Variants in AMMECR1 observed in about 807,000 individuals in gnomAD.
AMMECR1 encodes the protein nuclear protein AMMECR1.
A neutral mutation model predicts 22.5 loss-of-function variants in AMMECR1; 3 were observed. The observed-to-expected ratio is 0.13, with a 90% CI of 0.06 to 0.35. The LOEUF is 0.35. Ranked by LOEUF, AMMECR1 falls within the 10% of genes least tolerant of loss-of-function variation. The probability of loss-of-function intolerance (pLI) is 1.00; values close to 1 mark genes in which losing one functional copy is unlikely to be tolerated. For synonymous variants in AMMECR1, 130 were observed against 116.7 expected (o/e 1.11, Z -0.74); for missense variants, 235 against 278.7 (o/e 0.84, Z 1.12).
intron 2 of AMMECR1, among the ~76,000 whole-genome samples, chrX:110,359,213 T>C (rs909109096): frequency 9.0e-6 from 1 of 110,793 alleles, no homozygotes; most frequent in Non-Finnish European, 1.9e-5. Flanking sequence ...GAAACTTGAT[T>C]TTTCTTTCTT....
intron 1 of AMMECR1, among the ~76,000 whole-genome samples, chrX:110,300,914 C>G (rs1007893250): frequency 9.0e-6 from 1 of 111,317 alleles, no homozygotes; most frequent in African/African-American, 3.3e-5. Flanking sequence ...TGATTTCCTT[C>G]AGTTCTTTGA....
chrX:110,234,184 A>C (rs868178719), intron 2 of AMMECR1, among the ~76,000 whole-genome samples: 8 of 111,132 alleles, frequency 7.2e-5, no homozygotes, highest in African/African-American at 2.7e-4. Context: ...TATACCAATA[A>C]CAGACAAACA....
chrX:110,392,343 A>C (rs991123142), intron 2 of AMMECR1, among the ~76,000 whole-genome samples: 10 of 103,435 alleles, frequency 9.7e-5, no homozygotes, highest in Middle Eastern at 5.1e-3. Flanking sequence ...TGGTGTAATC[A>C]TGGCTCACTG....
intron 1 of AMMECR1, among the ~76,000 whole-genome samples, chrX:110,308,180 A>G (rs1387016232): frequency 9.0e-6 from 1 of 111,690 alleles, no homozygotes; most frequent in East Asian, 2.8e-4. Flanking sequence ...CCTAGCCAGA[A>G]TAATTATTTT....
intron 2 of AMMECR1, among the ~76,000 whole-genome samples, chrX:110,378,795 C>T (rs758056856): frequency 1.3e-3 from 140 of 111,621 alleles, no homozygotes; most frequent in Non-Finnish European, 2.0e-3. Context: ...CTGCTGTACA[C>T]CTGTCCACCC....
chrX:110,408,017 A>G (rs1439359705), intron 2 of AMMECR1, among the ~76,000 whole-genome samples: 3 of 112,476 alleles, frequency 2.7e-5, no homozygotes, highest in Non-Finnish European at 5.6e-5. Flanking sequence ...ATATGCCGCA[A>G]AATGCACCCT....
chrX:110,432,862 TC>T (rs1169565352), intron 1 of AMMECR1, among the ~76,000 whole-genome samples: 1 of 112,975 alleles, frequency 8.9e-6, no homozygotes, highest in Non-Finnish European at 1.9e-5. Flanking sequence ...CAAAGAGCTT[TC>T]ACAGCTGCCA....
At chrX:110,399,278 A>G (rs1189866927) in intron 2 of AMMECR1, among the ~76,000 whole-genome samples, 2 of 112,549 alleles carry the variant, frequency 1.8e-5, no homozygotes, top group East Asian at 5.5e-4. Context: ...AAACTTAGAA[A>G]TGCAGAAGCC....
In AMMECR1 at chrX:110,383,532, C is replaced by T. The variant is rs147391213; in HGVS notation, c.-148+43126G>A. Among the ~76,000 whole-genome samples, 576 of 111,355 alleles carry T rather than the reference C, an allele frequency of 5.2e-3. 4 individuals carry two copies. Among genetic ancestry groups the T allele is most frequent in the African/African-American group, 0.018 (543 of 30,626 alleles). On this transcript the variant is annotated intron_variant, in intron 2 of 7. Transcript: ENST00000372057. ...GTTTCATCTTCCACTTTTACTGCTT[C>T]TCCCCACCCCTTCACAATCCTGACA...
chrX:110,267,790 C>A (rs2067777576), intron 1 of AMMECR1, among the ~76,000 whole-genome samples: 1 of 112,092 alleles, frequency 8.9e-6, no homozygotes, highest in Non-Finnish European at 1.9e-5. Context: ...TATAATATAA[C>A]CCTATCTGCT....
At chrX:110,338,726 T>C (rs977157783) in intron 2 of AMMECR1, among the ~76,000 whole-genome samples, 3 of 111,574 alleles carry the variant, frequency 2.7e-5, no homozygotes, top group African/African-American at 9.8e-5. Context: ...CTGGAATCTG[T>C]ATGCCCTCCA....
At chrX:110,249,040 C>T (rs1443586059) in intron 2 of AMMECR1, among the ~76,000 whole-genome samples, 1 of 111,435 alleles carries the variant, frequency 9.0e-6, no homozygotes, top group Non-Finnish European at 1.9e-5. Flanking sequence ...TTCAGAATAC[C>T]AAACTGAACT....
intron 1 of AMMECR1, 132 bp downstream of exon 1, chrX:110,317,467 G>T: frequency 9.6e-7 from 1 of 1,040,585 alleles, no homozygotes; most frequent in South Asian, 2.7e-5. Flanking sequence ...TAGTTCAGTT[G>T]AGTAGCTCCG....
At chrX:110,260,259 T>C (rs1363919787) in intron 2 of AMMECR1, among the ~76,000 whole-genome samples, 3 of 111,796 alleles carry the variant, frequency 2.7e-5, no homozygotes, top group African/African-American at 9.7e-5. Flanking sequence ...GTACTTCTCA[T>C]AAACTTTTCA....
At chrX:110,438,314 G>C (rs148466388) in intron 1 of AMMECR1, among the ~76,000 whole-genome samples, 20 of 111,895 alleles carry the variant, frequency 1.8e-4, no homozygotes, top group Middle Eastern at 4.6e-3. Context: ...GGAGCGGATG[G>C]AGAGATTGGA....
intron 2 of AMMECR1, among the ~76,000 whole-genome samples, chrX:110,225,877 C>T (rs557704849): frequency 1.7e-4 from 19 of 111,946 alleles, no homozygotes; most frequent in East Asian, 2.8e-4. Context: ...ACACTTTTCT[C>T]GGGATCCCTC....
upstream of AMMECR1, among the ~76,000 whole-genome samples, chrX:110,321,750 A>T (rs2068079708): frequency 9.0e-6 from 1 of 111,526 alleles, no homozygotes; most frequent in Non-Finnish European, 1.9e-5. Flanking sequence ...CATTGAAAAA[A>T]AAACCTGCCA....
chrX:110,259,636 G>C (rs1025762750), intron 2 of AMMECR1, among the ~76,000 whole-genome samples: 2 of 106,125 alleles, frequency 1.9e-5, no homozygotes, highest in African/African-American at 6.9e-5. Flanking sequence ...CTGTCACCCA[G>C]GCTGGAGTGC....
intron 2 of AMMECR1, among the ~76,000 whole-genome samples, chrX:110,262,222 CT>C (rs2067745504): frequency 8.9e-6 from 1 of 111,980 alleles, no homozygotes; most frequent in South Asian, 3.6e-4. Flanking sequence ...TTTTGTTCAT[CT>C]TTTCCAAATA....
Sources: allele counts gnomAD v4.1 joint callset (sites outside exome capture counted in the v4.1 genomes callset), GRCh38; gene constraint gnomAD v4.1.1; transcripts MANE v1.5; gene names NCBI Gene and HGNC (gene_info 2026-07-23, HGNC 2026-07-21).